The following FOXP1 variants were observed in gnomAD, a reference collection of about 807,000 sequenced individuals.
FOXP1 encodes forkhead box protein P1.
In FOXP1, 15 loss-of-function variants were observed where a neutral mutation model predicts 98.2. The ratio of observed to expected loss-of-function variants is 0.15; its 90% CI spans 0.10 to 0.24. FOXP1 has a LOEUF of 0.24. FOXP1 is among the 10% of genes least tolerant of loss of function. FOXP1 has a pLI of 1.00. For missense variants in FOXP1, 633 were observed against 848.5 expected, an observed-to-expected ratio of 0.75 and a Z score of 3.15; for synonymous variants, 371 against 314.5, an observed-to-expected ratio of 1.18 and a Z score of -1.90.
intron 2 of FOXP1, among the ~76,000 whole-genome samples, chr3:71,579,333 T>C (rs1172419460): frequency 6.6e-6 from 1 of 152,172 alleles, no homozygotes; most frequent in East Asian, 1.9e-4. Context: ...AGACAGTTAA[T>C]TTGAATAGTT....
chr3:71,403,485 A>T (rs1049584819), intron 3 of FOXP1, among the ~76,000 whole-genome samples: 1 of 152,188 alleles, frequency 6.6e-6, no homozygotes, highest in African/African-American at 2.4e-5. Context: ...GAGGTGTGTG[A>T]GTGTGTGTGC....
intron 4 of FOXP1, among the ~76,000 whole-genome samples, chr3:71,314,528 AAAAT>A (rs2074935369): frequency 1.1e-5 from 1 of 90,116 alleles, no homozygotes. Context: ...CTCCGTCTAA[AAAAT>A]ATATATATAT....
At chr3:71,442,820 G>T (rs967663377) in intron 3 of FOXP1, among the ~76,000 whole-genome samples, 1 of 152,170 alleles carries the variant, frequency 6.6e-6, no homozygotes, top group African/African-American at 2.4e-5. Flanking sequence ...GGCCCCACTT[G>T]GGACTTAATC....
At chr3:71,430,320 T>C (rs2084588311) in intron 3 of FOXP1, among the ~76,000 whole-genome samples, 1 of 152,200 alleles carries the variant, frequency 6.6e-6, no homozygotes, top group Non-Finnish European at 1.5e-5. Context: ...GGCGCAAATC[T>C]GGTGCAGTAT....
intron 6 of FOXP1, among the ~76,000 whole-genome samples, chr3:71,178,584 A>G (rs2062087831): frequency 6.6e-6 from 1 of 152,028 alleles, no homozygotes; most frequent in East Asian, 1.9e-4. Flanking sequence ...CCTTGCCTCT[A>G]CTAAAAATAC....
intron 6 of FOXP1, among the ~76,000 whole-genome samples, chr3:71,181,178 T>A (rs963553892): frequency 1.3e-5 from 2 of 152,138 alleles, no homozygotes; most frequent in African/African-American, 4.8e-5. Context: ...CCCAAGATGA[T>A]TGGATTTTAA....
At chr3:71,483,268 C>T (rs772337395) in intron 3 of FOXP1, among the ~76,000 whole-genome samples, 6 of 152,174 alleles carry the variant, frequency 3.9e-5, no homozygotes, top group Non-Finnish European at 5.9e-5. Context: ...AAGGACCTCA[C>T]TAAATTGTAC....
At chr3:71,569,743 T>A (rs1446981479) in intron 2 of FOXP1, among the ~76,000 whole-genome samples, 1 of 151,920 alleles carries the variant, frequency 6.6e-6, no homozygotes, top group Non-Finnish European at 1.5e-5. Flanking sequence ...ATCATTACGA[T>A]CCTAATGGCT....
intron 18 of FOXP1, chr3:70,972,072 T>C (rs1413737518): frequency 1.3e-6 from 2 of 1,518,882 alleles, no homozygotes; most frequent in Non-Finnish European, 1.8e-6. Flanking sequence ...CCTCGTTGAA[T>C]ATGGCGGCCA....
At chr3:71,496,082 T>C (rs549812778) in intron 2 of FOXP1, among the ~76,000 whole-genome samples, 1 of 152,350 alleles carries the variant, frequency 6.6e-6, no homozygotes, top group South Asian at 2.1e-4. Context: ...TCTAGATTTC[T>C]ATTTAGTAAA....
intron 6 of FOXP1, among the ~76,000 whole-genome samples, chr3:71,123,099 T>TC (rs2058900418): frequency 6.6e-6 from 1 of 152,150 alleles, no homozygotes; most frequent in African/African-American, 2.4e-5. Context: ...AAGTCTGCCC[T>TC]CCCTGTTCTC....
At position 71,583,637 on chromosome 3, in the gene FOXP1, C is replaced by G. The variant is rs1484749479; in HGVS notation, c.-513G>C. 1.0e-6 allele frequency: 1 copy of G among 984,340 alleles called. No homozygotes were observed. Among genetic ancestry groups the G allele is most frequent in the African/African-American group, 1.8e-5 (1 of 56,978 alleles). 61.0% of individuals were successfully genotyped at this position (984,340 alleles called of 1,614,324 possible). Reference sequence around the variant, plus strand: ...GGCCTTTCCCCGCGCGCGCCCACTCCCGCCCGCGCGCGCACCCCGCGCACA... The same window carrying G: ...GGCCTTTCCCCGCGCGCGCCCACTCGCGCCCGCGCGCGCACCCCGCGCACA... On this transcript the variant is annotated 5_prime_UTR_variant, in exon 1 of 21. Coordinates refer to ENST00000649528, the MANE Select transcript of FOXP1 (RefSeq NM_001349338.3).
chr3:71,166,510 G>A, intron 6 of FOXP1, among the ~76,000 whole-genome samples: 1 of 152,170 alleles, frequency 6.6e-6, no homozygotes. Flanking sequence ...GTTTACATGT[G>A]TTTGGCCCAT....
chr3:70,965,997 A>C lies in FOXP1; in HGVS notation c.1782T>G (p.Thr594=). Reference sequence around the variant, plus strand: ...GTATTGCGCTGGCTAAGTTGCCCAGAGTGGGATTTCCCATGGAAGCGGTAG... The same window carrying C: ...GTATTGCGCTGGCTAAGTTGCCCAGCGTGGGATTTCCCATGGAAGCGGTAG... ...LYTTASMGNP[T]LGNLASAIRE... The change falls in exon 20 of 21, where the codon ACT becomes ACG. Residue 594 remains threonine, a synonymous_variant. Coordinates refer to ENST00000649528, the MANE Select transcript of FOXP1 (RefSeq NM_001349338.3). The C allele has an allele frequency of 6.2e-7, 1 of 1,614,116 alleles. No individual in the cohort carries two copies. Among genetic ancestry groups the C allele is most frequent in the East Asian group, 2.2e-5 (1 of 44,880 alleles).
Position 71,583,712 on chromosome 3 carries a change from C to T in FOXP1, c.-588G>A. On this transcript the variant is annotated 5_prime_UTR_variant, in exon 1 of 21. Transcript: ENST00000649528. ...CACACACGCACTCCCGGGCGAGGGC[C>T]GGGCCGCCGCGAGTACAGCGTGCAA... 1 of 984,864 alleles carries T rather than the reference C, an allele frequency of 1.0e-6. No homozygotes were observed. Among genetic ancestry groups the T allele is most frequent in the Non-Finnish European group, 1.2e-6 (1 of 829,830 alleles). The allele number at this position is 984,864 out of a possible 1,614,324, so 61.0% of individuals were successfully genotyped here.
At chr3:71,262,527 A>C (rs1268470821) in intron 5 of FOXP1, among the ~76,000 whole-genome samples, 3 of 152,112 alleles carry the variant, frequency 2.0e-5, no homozygotes, top group African/African-American at 7.2e-5. Flanking sequence ...TGCCCTTTAA[A>C]AGAAAAAAAA....
intron 2 of FOXP1, among the ~76,000 whole-genome samples, chr3:71,535,459 C>A (rs1022135284): frequency 1.3e-5 from 2 of 152,050 alleles, no homozygotes; most frequent in African/African-American, 4.8e-5. Flanking sequence ...AATCCTAGCA[C>A]TTTGGGAGGC....
chr3:71,564,524 C>G (rs565255837), intron 2 of FOXP1, among the ~76,000 whole-genome samples: 3 of 152,236 alleles, frequency 2.0e-5, no homozygotes, highest in Admixed American at 6.5e-5. Flanking sequence ...TTTGAGTCAC[C>G]CAACAAGTGT....
intron 3 of FOXP1, among the ~76,000 whole-genome samples, chr3:71,492,406 C>T (rs1405917603): frequency 6.0e-5 from 9 of 151,092 alleles, no homozygotes; most frequent in Admixed American, 5.9e-4. Flanking sequence ...GAGCCGAGAT[C>T]GCGCCACTGC....
Sources: gnomAD v4.1 joint callset for allele counts (sites outside exome capture counted in the v4.1 genomes callset) on GRCh38, gnomAD v4.1.1 for gene constraint, MANE v1.5 for transcripts, NCBI Gene and HGNC (gene_info 2026-07-23, HGNC 2026-07-21) for gene names.